AK2: variants seen among roughly 807,000 people sequenced by gnomAD.
AK2 encodes the protein adenylate kinase 2, mitochondrial.
A neutral mutation model predicts 24.6 loss-of-function variants in AK2; 15 were observed. The observed-to-expected ratio is 0.61, with a 90% CI of 0.41 to 0.94. The LOEUF (loss-of-function observed/expected upper bound fraction) is 0.94. AK2 is among the 40% of genes least tolerant of loss of function. The pLI, the probability that AK2 is intolerant of heterozygous loss-of-function variation, is 0.00. For missense variants in AK2, 257 were observed against 304.1 expected (o/e 0.85, Z 1.15); for synonymous variants, 102 against 114.0 (o/e 0.90, Z 0.67).
At chr1:33,032,990 C>T (rs765972178) in intron 1 of AK2, among the ~76,000 whole-genome samples, 1 of 151,934 alleles carries the variant, frequency 6.6e-6, no homozygotes, top group African/African-American at 2.4e-5. Flanking sequence ...AGTGAAACCC[C>T]GTCTCTACTA....
intron 1 of AK2, among the ~76,000 whole-genome samples, chr1:33,027,422 G>A (rs758534716): frequency 2.6e-5 from 4 of 152,152 alleles, no homozygotes; most frequent in Non-Finnish European, 5.9e-5. Context: ...ACAGCTAGAT[G>A]AAAGAACACA....
At chr1:33,022,438 C>T (rs908434519) in intron 2 of AK2, among the ~76,000 whole-genome samples, 1 of 150,910 alleles carries the variant, frequency 6.6e-6, no homozygotes, top group African/African-American at 2.4e-5. Flanking sequence ...TCACTGCAAC[C>T]TCCACCTTCC....
chr1:33,015,540 T>C (rs1639129837), intron 4 of AK2, among the ~76,000 whole-genome samples: 1 of 152,234 alleles, frequency 6.6e-6, no homozygotes. Context: ...TGGTTGCTTT[T>C]CTCATGAAGG....
chr1:33,017,162 C>A (rs7521588), intron 4 of AK2, among the ~76,000 whole-genome samples: 50,442 of 151,902 alleles, frequency 0.33, 8,778 homozygotes, highest in African/African-American at 0.42. Flanking sequence ...ATTATTTTTT[C>A]TTTTCTTCAG....
At chr1:33,015,912 T>A (rs568726461) in intron 4 of AK2, among the ~76,000 whole-genome samples, 2 of 152,244 alleles carry the variant, frequency 1.3e-5, no homozygotes, top group East Asian at 3.9e-4. Flanking sequence ...AAAAATTCTA[T>A]TCAATTCTAT....
chr1:33,011,405 A>G lies in AK2; in HGVS notation c.*1776T>C. On this transcript the variant is annotated 3_prime_UTR_variant, in exon 6 of 6. Coordinates refer to ENST00000672715, the MANE Select transcript of AK2 (RefSeq NM_001625.4). ...CATTAAGAGTGGGTGGAGTTGGTTT[A>G]GAGCCAGGAAAACAAGGCAGGACAG... 2.3e-6 allele frequency: 3 copies of G among 1,287,454 alleles called. No homozygotes were observed. Among genetic ancestry groups the G allele is most frequent in the Non-Finnish European group, 3.0e-6 (3 of 988,842 alleles). The allele number at this position is 1,287,454 out of a possible 1,614,324, so 79.8% of individuals were successfully genotyped here.
intron 1 of AK2, among the ~76,000 whole-genome samples, chr1:33,026,350 C>T (rs2124355027): frequency 6.6e-6 from 1 of 152,332 alleles, no homozygotes; most frequent in South Asian, 2.1e-4. Flanking sequence ...AGGCACAAGC[C>T]ACGTGCCTGG....
chr1:33,012,810 T>C lies in AK2; in HGVS notation c.*371A>G, dbSNP rs1163858504. ...TGCTCAGGAGGCTGAGGTGGGATAA[T>C]TGCTTGAGCCCCAGGAGGCAGAGGT... On this transcript the variant is annotated 3_prime_UTR_variant, in exon 6 of 6. Coordinates refer to ENST00000672715, the MANE Select transcript of AK2 (RefSeq NM_001625.4). The C allele has an allele frequency of 5.4e-6, 6 of 1,106,414 alleles. No individual in the cohort carries two copies. In the Admixed American group the frequency reaches 6.9e-5, roughly 13 times the overall value. 68.5% of individuals were successfully genotyped at this position (1,106,414 alleles called of 1,614,324 possible).
At chr1:33,024,278 G>T in intron 2 of AK2, 164 bp downstream of exon 2, 1 of 954,174 alleles carries the variant, frequency 1.0e-6, no homozygotes, top group Non-Finnish European at 1.6e-6. Context: ...CTGTATCAGC[G>T]TTGGCTGGTA....
In AK2 at chr1:33,011,764, TGCTC is replaced by T. The variant is rs1638835749; in HGVS notation, c.*1413_*1416del. On this transcript the variant is annotated 3_prime_UTR_variant, in exon 6 of 6. Transcript: ENST00000672715. The stretch of plus-strand genomic sequence containing the variant: ...AAAAGACAGCAGGGACCTTAGAAAA[TGCTC>T]AATAGTTGGGAAGCTAAGGTTATGA... 7.1e-7 allele frequency: 1 copy of T among 1,409,886 alleles called. No individual in the cohort carries two copies. Among genetic ancestry groups the T allele is most frequent in the East Asian group, 3.5e-5 (1 of 28,670 alleles). The allele number at this position is 1,409,886 out of a possible 1,614,324, so 87.3% of individuals were successfully genotyped here. A position where few individuals can be genotyped will look rare whatever the true frequency, so the allele number is the denominator to read the frequency against.
chr1:33,032,690 C>G (rs910297560), intron 1 of AK2, among the ~76,000 whole-genome samples: 3 of 152,152 alleles, frequency 2.0e-5, no homozygotes, highest in Non-Finnish European at 4.4e-5. Flanking sequence ...GAGCACAGCA[C>G]CCACCACCTG....
chr1:33,032,823 C>A (rs1640325263), intron 1 of AK2, among the ~76,000 whole-genome samples: 1 of 152,158 alleles, frequency 6.6e-6, no homozygotes, highest in Admixed American at 6.5e-5. Context: ...CAGGGGAATA[C>A]AACTGAAAAT....
In AK2 at chr1:33,013,269, T is replaced by C. The variant is rs1638953069; in HGVS notation, c.632A>G (p.Asp211Gly). 1 of 1,614,116 alleles carries C rather than the reference T, an allele frequency of 6.2e-7. No homozygotes were observed. The highest frequency in any genetic ancestry group is 1.1e-5 in the South Asian group (1 of 91,074). ...CACGACATCGGGGGTCTGGGATGCA[T>C]CGATGGCGGAGTGGATCCCCCGTTT... Reference protein sequence around the residue: ...YRKRGIHSAIDASQTPDVVFA... With the variant: ...YRKRGIHSAIGASQTPDVVFA... The change falls in exon 6 of 6, where the codon GAT (aspartate) becomes GGT (glycine). Residue 211 changes from aspartate (D) to glycine (G), a missense_variant. Transcript: ENST00000672715.
intron 4 of AK2, among the ~76,000 whole-genome samples, chr1:33,020,710 T>C (rs1639485222): frequency 6.6e-6 from 1 of 151,888 alleles, no homozygotes; most frequent in African/African-American, 2.4e-5. Context: ...CTGGGCGTGG[T>C]GGTACATGCC....
intron 1 of AK2, among the ~76,000 whole-genome samples, chr1:33,026,467 G>A (rs1400334930): frequency 2.0e-5 from 3 of 152,216 alleles, no homozygotes; most frequent in Non-Finnish European, 4.4e-5. Flanking sequence ...TTCAGTTAAA[G>A]CAAAGAAATG....
intron 4 of AK2, among the ~76,000 whole-genome samples, chr1:33,016,321 C>T (rs1639182347): frequency 6.6e-6 from 1 of 152,214 alleles, no homozygotes; most frequent in Admixed American, 6.5e-5. Context: ...ACGCCATTCT[C>T]CTGCCTCAGC....
rs550135630 is a variant in AK2 at position 33,010,375 on chromosome 1, C to T, written c.*2806G>A. 3.4e-5 allele frequency: 16 copies of T among 471,030 alleles called. No individual in the cohort carries two copies. The highest frequency in any genetic ancestry group is 6.6e-4 in the Middle Eastern group (1 of 1,520). The allele number at this position is 471,030 out of a possible 1,614,324, so 29.2% of individuals were successfully genotyped here. ...TTTTTGATCTTACAGTGTGTGGAACCGGAGTCAGTAATCAAAGCTCCCTGT... is the reference window on the plus strand; with the variant it reads ...TTTTTGATCTTACAGTGTGTGGAACTGGAGTCAGTAATCAAAGCTCCCTGT... On this transcript the variant is annotated 3_prime_UTR_variant, in exon 6 of 6. Coordinates refer to ENST00000672715, the MANE Select transcript of AK2 (RefSeq NM_001625.4).
rs747117163 is a variant in AK2, at chr1:33,036,829, G to T, written c.-1C>A. The T allele has an allele frequency of 1.3e-6, 2 of 1,586,462 alleles. No individual in the cohort carries two copies. The highest frequency in any genetic ancestry group is 3.5e-5 in the Admixed American group (2 of 56,446). The stretch of plus-strand genomic sequence containing the variant: ...CTGCCGCTGGCACGCTGGGAGCCAT[G>T]TCCGCCGAAGTCTCTCACTGCCACC... On this transcript the variant is annotated 5_prime_UTR_variant, in exon 1 of 6. Transcript: ENST00000672715.
intron 4 of AK2, among the ~76,000 whole-genome samples, chr1:33,018,797 G>A (rs1557618467): frequency 6.6e-6 from 1 of 152,010 alleles, no homozygotes; most frequent in Non-Finnish European, 1.5e-5. Flanking sequence ...TCATAAACAG[G>A]CTCCTAGATG....
Sources: gnomAD v4.1 joint callset for allele counts (sites outside exome capture counted in the v4.1 genomes callset) on GRCh38, gnomAD v4.1.1 for gene constraint, MANE v1.5 for transcripts, NCBI Gene and HGNC (gene_info 2026-07-23, HGNC 2026-07-21) for gene names.